OSBPL6: variants seen among roughly 807,000 people sequenced by gnomAD.
OSBPL6 encodes the protein oxysterol-binding protein-related protein 6.
A neutral mutation model predicts 125.8 loss-of-function variants in OSBPL6; 49 were observed. The ratio of observed to expected loss-of-function variants is 0.39; its 90% CI spans 0.31 to 0.49. OSBPL6 has a LOEUF of 0.49. Among genes scored for constraint, OSBPL6 ranks in the 20% least tolerant of loss-of-function variants. The pLI is 0.88. For synonymous variants in OSBPL6, 394 were observed against 391.8 expected (o/e 1.01, Z -0.07); for missense variants, 986 against 1,135.4 (o/e 0.87, Z 1.89).
rs889749375 is a variant in OSBPL6, at chr2:178,285,105, T to C, written c.-172T>C. The C allele has an allele frequency of 5.0e-6, 2 of 398,494 alleles. No homozygotes were observed. Among genetic ancestry groups the C allele is most frequent in the Non-Finnish European group, 8.9e-6 (2 of 225,980 alleles). The allele number at this position is 398,494 out of a possible 1,614,324, so 24.7% of individuals were successfully genotyped here. A position where few individuals can be genotyped will look rare whatever the true frequency, so the allele number is the denominator to read the frequency against. On this transcript the variant is annotated 5_prime_UTR_variant, in exon 2 of 25. Transcript: ENST00000190611. Reference sequence around the variant, plus strand: ...ACCATAAAGCTGACTTGGAAGACTTTGACTCCAAGGTGCAAGGTGAGTTAG... The same window carrying C: ...ACCATAAAGCTGACTTGGAAGACTTCGACTCCAAGGTGCAAGGTGAGTTAG...
chr2:178,274,795 CA>C (rs1367966828), intron 1 of OSBPL6, among the ~76,000 whole-genome samples: 1 of 152,136 alleles, frequency 6.6e-6, no homozygotes, highest in Non-Finnish European at 1.5e-5. Flanking sequence ...TTTTGTTGTC[CA>C]CTCAACAGTA....
chr2:178,271,126 C>A (rs572450351), intron 1 of OSBPL6, among the ~76,000 whole-genome samples: 1 of 152,190 alleles, frequency 6.6e-6, no homozygotes, highest in South Asian at 2.1e-4. Context: ...TTTAAATCAG[C>A]CTATGACATC....
chr2:178,196,957 T>C (rs1483889331), intron 1 of OSBPL6, among the ~76,000 whole-genome samples: 1 of 152,110 alleles, frequency 6.6e-6, no homozygotes, highest in Non-Finnish European at 1.5e-5. Flanking sequence ...TGTAGTTCAC[T>C]GACTTTCACT....
intron 9 of OSBPL6, 69 bp downstream of exon 9, chr2:178,336,502 A>C (rs1333454763): frequency 6.5e-7 from 1 of 1,550,100 alleles, no homozygotes. Context: ...CGAAGAGGTC[A>C]ATTATGAGTG....
intron 21 of OSBPL6, 85 bp from the exon 22 acceptor site, chr2:178,390,988 G>T: frequency 6.4e-7 from 1 of 1,554,708 alleles, no homozygotes; most frequent in South Asian, 1.2e-5. Flanking sequence ...GGACTTCAAG[G>T]CTAAGAAATT....
intron 2 of OSBPL6, among the ~76,000 whole-genome samples, chr2:178,298,897 C>T (rs1686013109): frequency 6.6e-6 from 1 of 152,088 alleles, no homozygotes; most frequent in African/African-American, 2.4e-5. Flanking sequence ...GAGAACAGGA[C>T]ATGTACTGTT....
At chr2:178,290,043 T>A (rs555242363) in intron 2 of OSBPL6, among the ~76,000 whole-genome samples, 1 of 152,332 alleles carries the variant, frequency 6.6e-6, no homozygotes, top group East Asian at 1.9e-4. Context: ...GTTCTAAAGT[T>A]ACCCCATCCG....
chr2:178,251,651 G>A (rs1574633521), intron 1 of OSBPL6, among the ~76,000 whole-genome samples: 1 of 152,096 alleles, frequency 6.6e-6, no homozygotes, highest in African/African-American at 2.4e-5. Context: ...AGTTTTGAAG[G>A]CAGTTGTTCT....
chr2:178,243,667 G>A lies in OSBPL6; in HGVS notation c.-350-41260G>A, dbSNP rs541934420. On this transcript the variant is annotated intron_variant, in intron 1 of 24. Coordinates refer to ENST00000190611, the MANE Select transcript of OSBPL6 (RefSeq NM_032523.4). ...TCTGGGTTTTTTTGTTTCTTTGTTT[G>A]TTTTGAGACGGAGTCTTGCTCTGTC... 2.6e-5 allele frequency among the ~76,000 whole-genome samples: 4 copies of A among 152,134 alleles called. No homozygotes were observed. The South Asian group carries it at 8.3e-4, about 32-fold the overall frequency.
intron 1 of OSBPL6, among the ~76,000 whole-genome samples, chr2:178,201,322 T>G (rs2089248070): frequency 6.6e-6 from 1 of 152,198 alleles, no homozygotes; most frequent in Non-Finnish European, 1.5e-5. Context: ...TTTTCCAATG[T>G]AGTGATTCTT....
chr2:178,224,393 G>T (rs2153972923), intron 1 of OSBPL6, among the ~76,000 whole-genome samples: 1 of 152,216 alleles, frequency 6.6e-6, no homozygotes, highest in South Asian at 2.1e-4. Flanking sequence ...TCTAGAGAGG[G>T]AAAAAGAACT....
At chr2:178,234,369 C>T (rs1057218090) in intron 1 of OSBPL6, among the ~76,000 whole-genome samples, 5 of 151,926 alleles carry the variant, frequency 3.3e-5, no homozygotes, top group Admixed American at 2.0e-4. Context: ...TATTTCAGGC[C>T]GCAGTATAAC....
chr2:178,365,280 C>T (rs1692724902), intron 13 of OSBPL6, among the ~76,000 whole-genome samples: 1 of 152,182 alleles, frequency 6.6e-6, no homozygotes, highest in African/African-American at 2.4e-5. Flanking sequence ...GATTAAAGTG[C>T]TGCATTTCAA....
At chr2:178,194,418 G>C (rs893063691), upstream of OSBPL6, 2 of 151,932 alleles carry the variant, frequency 1.3e-5, no homozygotes, top group Non-Finnish European at 2.9e-5. Context: ...CGGGGAACCC[G>C]GAGCGCCGCC....
chr2:178,220,548 C>T (rs1397651506), intron 1 of OSBPL6, among the ~76,000 whole-genome samples: 4 of 152,154 alleles, frequency 2.6e-5, no homozygotes, highest in African/African-American at 9.7e-5. Context: ...TCAAGCAACC[C>T]ATCTGCCTCA....
Position 178,399,588 on chromosome 2 carries a change from A to G in OSBPL6, c.*4029A>G, listed in dbSNP as rs1337150221. On this transcript the variant is annotated 3_prime_UTR_variant, in exon 25 of 25. Transcript: ENST00000190611. ...GTTGTGATGGACCAACATGTCCAAC[A>G]TCTTAAGCAAATGAAGCTTCATGAT... 6.6e-6 allele frequency: 1 copy of G among 152,242 alleles called. No individual in the cohort carries two copies. The highest frequency in any genetic ancestry group is 2.4e-5 in the African/African-American group (1 of 41,464). The allele number at this position is 152,242 out of a possible 1,614,324, so 9.4% of individuals were successfully genotyped here.
chr2:178,221,221 G>T (rs951244657), intron 1 of OSBPL6, among the ~76,000 whole-genome samples: 8 of 152,118 alleles, frequency 5.3e-5, no homozygotes, highest in Non-Finnish European at 1.2e-4. Context: ...GCCAGAGAAA[G>T]AATAAGAAAA....
intron 11 of OSBPL6, among the ~76,000 whole-genome samples, chr2:178,344,998 A>G (rs1690571062): frequency 6.6e-6 from 1 of 151,970 alleles, no homozygotes; most frequent in South Asian, 2.1e-4. Flanking sequence ...TTTTTTTCTG[A>G]GAGAAAATAG....
chr2:178,228,953 A>G (rs1240480482), intron 1 of OSBPL6, among the ~76,000 whole-genome samples: 1 of 152,212 alleles, frequency 6.6e-6, no homozygotes, highest in Non-Finnish European at 1.5e-5. Context: ...ACCTGAGACT[A>G]GGTAATTTAT....
Sources: gnomAD v4.1 joint callset for allele counts (sites outside exome capture counted in the v4.1 genomes callset) on GRCh38, gnomAD v4.1.1 for gene constraint, MANE v1.5 for transcripts, NCBI Gene and HGNC (gene_info 2026-07-23, HGNC 2026-07-21) for gene names.